Variants in SHANK2 observed in about 807,000 individuals in gnomAD.
The protein encoded by SHANK2 is SH3 and multiple ankyrin repeat domains protein 2.
A neutral mutation model predicts 133.7 loss-of-function variants in SHANK2; 43 were observed. That is an observed-to-expected ratio of 0.32 (90% CI 0.25 to 0.41). The LOEUF (loss-of-function observed/expected upper bound fraction) is 0.41. Among genes scored for constraint, SHANK2 ranks in the 10% least tolerant of loss-of-function variants. The pLI is 1.00. For missense variants in SHANK2, 1,994 were observed against 2,235.8 expected (o/e 0.89, Z 2.18); for synonymous variants, 1,017 against 952.8 (o/e 1.07, Z -1.24).
intron 15 of SHANK2, among the ~76,000 whole-genome samples, chr11:70,686,973 C>T (rs1456210017): frequency 6.6e-6 from 1 of 152,224 alleles, no homozygotes; most frequent in Non-Finnish European, 1.5e-5. Context: ...GCACTCCTGC[C>T]CATCTTGGGC....
chr11:70,868,467 T>C (rs1342032525), intron 11 of SHANK2, among the ~76,000 whole-genome samples: 1 of 152,246 alleles, frequency 6.6e-6, no homozygotes, highest in Admixed American at 6.5e-5. Context: ...CACGAGGCTA[T>C]TGACTATTAT....
At chr11:70,883,772 C>A (rs1443798305) in intron 11 of SHANK2, among the ~76,000 whole-genome samples, 2 of 152,186 alleles carry the variant, frequency 1.3e-5, no homozygotes, top group Non-Finnish European at 2.9e-5. Context: ...TCCACCTGGG[C>A]TAGGACATGT....
rs538456950 is a variant in SHANK2 at position 70,684,742 on chromosome 11, C to G, written c.1853+13946G>C. On this transcript the variant is annotated intron_variant, in intron 15 of 25. Coordinates refer to ENST00000601538, the MANE Select transcript of SHANK2 (RefSeq NM_012309.5). ...ACTCAGTGAGTGCCTGAGTCACACTCAGGGCCAGGGACAGTGCCCCTGGCC... is the reference window on the plus strand; with the variant it reads ...ACTCAGTGAGTGCCTGAGTCACACTGAGGGCCAGGGACAGTGCCCCTGGCC... Among the ~76,000 whole-genome samples the G allele has an allele frequency of 5.3e-5, 8 of 151,982 alleles. No individual in the cohort carries two copies. In the South Asian group the frequency reaches 1.7e-3, roughly 32 times the overall value.
intron 17 of SHANK2, among the ~76,000 whole-genome samples, chr11:70,508,580 G>A (rs976456471): frequency 1.3e-5 from 2 of 152,184 alleles, no homozygotes; most frequent in African/African-American, 4.8e-5. Flanking sequence ...TAACCCAGGT[G>A]ACTAGTGTTC....
chr11:70,628,615 C>T (rs369951065), intron 17 of SHANK2, among the ~76,000 whole-genome samples: 9 of 152,322 alleles, frequency 5.9e-5, no homozygotes, highest in Non-Finnish European at 1.0e-4. Flanking sequence ...CTGGCCTCGA[C>T]GCCAGCCCCA....
chr11:70,808,561 C>CA (rs57089863), intron 12 of SHANK2, among the ~76,000 whole-genome samples: 63,493 of 93,456 alleles, frequency 0.68, 21,406 homozygotes, highest in Non-Finnish European at 0.77. Context: ...CCTATTTCTA[C>CA]AAAAAAAAAA....
rs186383657 is a variant in SHANK2 at position 70,657,213 on chromosome 11, G to C, written c.2061+2615C>G. On this transcript the variant is annotated intron_variant, in intron 17 of 25. Coordinates refer to ENST00000601538, the MANE Select transcript of SHANK2 (RefSeq NM_012309.5). ...AAGGAAGACAGAATGCCTGCATTTT[G>C]GGCAGCTTTTCACGTGGAGACCTTG... 2.0e-3 allele frequency among the ~76,000 whole-genome samples: 310 copies of C among 152,238 alleles called. 3 individuals are homozygous for C. The highest frequency in any genetic ancestry group is 8.1e-4 in the Non-Finnish European group (55 of 68,006).
At chr11:71,183,318 G>A (rs185837789) in intron 2 of SHANK2, among the ~76,000 whole-genome samples, 1 of 152,276 alleles carries the variant, frequency 6.6e-6, no homozygotes, top group East Asian at 1.9e-4. Context: ...GACTCATGCT[G>A]TGGGTGAAAC....
intron 3 of SHANK2, among the ~76,000 whole-genome samples, chr11:71,141,385 C>T (rs1245056930): frequency 2.0e-5 from 3 of 151,976 alleles, no homozygotes; most frequent in Non-Finnish European, 4.4e-5. Context: ...ACTGTAATCC[C>T]AGCTACTCAG....
chr11:71,198,551 C>T (rs1555116571), intron 2 of SHANK2, among the ~76,000 whole-genome samples: 1 of 152,172 alleles, frequency 6.6e-6, no homozygotes, highest in Non-Finnish European at 1.5e-5. Context: ...CCCACTACCA[C>T]ATCGTGAGTC....
chr11:70,909,973 C>G (rs1438050463), intron 10 of SHANK2, among the ~76,000 whole-genome samples: 3 of 152,176 alleles, frequency 2.0e-5, no homozygotes, highest in Non-Finnish European at 4.4e-5. Context: ...CAAGGCATCG[C>G]AGGGCTAGGT....
At chr11:71,190,392 G>A (rs1265611638) in intron 2 of SHANK2, among the ~76,000 whole-genome samples, 2 of 152,178 alleles carry the variant, frequency 1.3e-5, no homozygotes, top group South Asian at 2.1e-4. Context: ...AGGGGACAGC[G>A]TGAGGCTCCA....
At chr11:70,937,240 G>A (rs1950584406) in intron 10 of SHANK2, among the ~76,000 whole-genome samples, 1 of 152,240 alleles carries the variant, frequency 6.6e-6, no homozygotes, top group South Asian at 2.1e-4. Context: ...AAAGCTCAAA[G>A]GAGATGGAAG....
At chr11:71,124,655 TA>T (rs1555102341) in intron 3 of SHANK2, among the ~76,000 whole-genome samples, 1 of 152,174 alleles carries the variant, frequency 6.6e-6, no homozygotes, top group East Asian at 1.9e-4. Flanking sequence ...AGGTTTGGTT[TA>T]AACCCAAGTC....
intron 17 of SHANK2, among the ~76,000 whole-genome samples, chr11:70,633,112 G>T (rs1007932871): frequency 6.6e-6 from 1 of 151,180 alleles, no homozygotes; most frequent in Admixed American, 6.6e-5. Flanking sequence ...ATTTAGACAC[G>T]TTGAATATAT....
intron 9 of SHANK2, among the ~76,000 whole-genome samples, chr11:71,063,622 G>A (rs1951013576): frequency 2.0e-5 from 3 of 152,218 alleles, no homozygotes; most frequent in Non-Finnish European, 4.4e-5. Context: ...CTGTGATCCA[G>A]GAGGTGCTGG....
At chr11:70,855,238 C>G (rs1249160548) in intron 11 of SHANK2, among the ~76,000 whole-genome samples, 2 of 152,224 alleles carry the variant, frequency 1.3e-5, no homozygotes, top group Non-Finnish European at 2.9e-5. Flanking sequence ...TGAACAAGCT[C>G]AGAGGAAATT....
chr11:71,164,573 G>C (rs1953100777), intron 2 of SHANK2, among the ~76,000 whole-genome samples: 1 of 152,188 alleles, frequency 6.6e-6, no homozygotes, highest in Non-Finnish European at 1.5e-5. Context: ...CAGAAACTAA[G>C]TTAAATTACT....
At chr11:70,505,348 C>T (rs980382110) in intron 17 of SHANK2, among the ~76,000 whole-genome samples, 6 of 152,030 alleles carry the variant, frequency 3.9e-5, no homozygotes, top group Admixed American at 1.3e-4. Context: ...GCCAAACACA[C>T]GTGGGGGGGC....
Sources: gnomAD v4.1 joint callset for allele counts (sites outside exome capture counted in the v4.1 genomes callset) on GRCh38, gnomAD v4.1.1 for gene constraint, MANE v1.5 for transcripts, NCBI Gene and HGNC (gene_info 2026-07-23, HGNC 2026-07-21) for gene names.